The following SPATA31C1 variants were observed in gnomAD, a reference collection of about 807,000 sequenced individuals.
The protein encoded by SPATA31C1 is SPATA31 subfamily C member 1, also known as spermatogenesis-associated protein 31C1.
At chr9:87,916,251 C>CAAAA (rs756907084) in intron 1 of SPATA31C1, among the ~76,000 whole-genome samples, 2 of 78,008 alleles carry the variant, frequency 2.6e-5, no homozygotes, top group African/African-American at 4.1e-5. Flanking sequence ...GACTCCATCT[C>CAAAA]AAAAAAAAAA....
In SPATA31C1 at chr9:87,920,908, A is replaced by T. The variant is rs754988524; in HGVS notation, n.1298A>T. On this transcript the variant is annotated non_coding_transcript_exon_variant, in exon 5 of 5. Transcript: ENST00000420021. Reference sequence around the variant, plus strand: ...CTTTTCCAGGCCCAGCCCCTGTCCCATCTGGGGCCTGAGTCCCAACCCTTT... The same window carrying T: ...CTTTTCCAGGCCCAGCCCCTGTCCCTTCTGGGGCCTGAGTCCCAACCCTTT... 9 of 1,613,064 alleles carry T rather than the reference A, an allele frequency of 5.6e-6. No individual in the cohort carries two copies. The East Asian group carries it at 1.8e-4, about 32-fold the overall frequency.
exon 5 of SPATA31C1, chr9:87,921,749 C>G: frequency 1.2e-6 from 2 of 1,612,054 alleles, no homozygotes; most frequent in Non-Finnish European, 8.5e-7. Flanking sequence ...AGGCTTTTCC[C>G]GTATCCAACA....
chr9:87,920,191 C>A lies in SPATA31C1; in HGVS notation n.642-61C>A, dbSNP rs1828813823. On this transcript the variant is annotated intron_variant and non_coding_transcript_variant, in intron 4 of 4. Coordinates refer to ENST00000420021, the Ensembl canonical transcript of SPATA31C1. ...GTGGAGGGGCTGTGGCCCAAGCGCC[C>A]ACTCTGCCCTCCGAACCCATCTGGC... The A allele has an allele frequency of 3.7e-6, 6 of 1,606,024 alleles. No homozygotes were observed. In the Admixed American group the frequency reaches 1.0e-4, roughly 27 times the overall value.
rs751473988 is a variant in SPATA31C1, at chr9:87,922,759, G to A, written n.3149G>A. The A allele has an allele frequency of 1.6e-5, 26 of 1,606,516 alleles. No individual in the cohort carries two copies. In the South Asian group the frequency reaches 2.6e-4, roughly 16 times the overall value. On this transcript the variant is annotated non_coding_transcript_exon_variant, in exon 5 of 5. Coordinates refer to ENST00000420021, the Ensembl canonical transcript of SPATA31C1. The stretch of plus-strand genomic sequence containing the variant: ...CCAAACTGTCAAGGCTCATGCAAGA[G>A]CCAAAGCCCAATGTTTCCCCCTACT...
At chr9:87,923,055 T>C (rs560862305) in exon 5 of SPATA31C1, 10 of 1,599,636 alleles carry the variant, frequency 6.3e-6, no homozygotes, top group Admixed American at 1.7e-5. Flanking sequence ...AAACAGATCA[T>C]GCGTGTACGG....
At chr9:87,920,573 C>T (rs638565) in exon 5 of SPATA31C1, 52 of 1,613,574 alleles carry the variant, frequency 3.2e-5, no homozygotes, top group Non-Finnish European at 4.0e-5. Flanking sequence ...CACCACACAC[C>T]CCTGATCCTC....
At chr9:87,922,480 T>C in exon 5 of SPATA31C1, 4 of 1,610,508 alleles carry the variant, frequency 2.5e-6, no homozygotes, top group Non-Finnish European at 3.4e-6. Context: ...CTGTGTCTCA[T>C]GGAGGAGGCT....
At chr9:87,920,252 C>T (rs771832366) in exon 5 of SPATA31C1, 2 of 1,613,086 alleles carry the variant, frequency 1.2e-6, no homozygotes, top group African/African-American at 1.3e-5. Context: ...TCTCCTGCAG[C>T]CTCCTGGGGC....
chr9:87,921,264 C>T, exon 5 of SPATA31C1: 1 of 1,611,992 alleles, frequency 6.2e-7, no homozygotes, highest in Non-Finnish European at 8.5e-7. Flanking sequence ...TCCAGTCAGT[C>T]CTGAACTCTG....
intron 2 of SPATA31C1, chr9:87,918,907 G>A: frequency 2.8e-6 from 1 of 354,638 alleles, no homozygotes; most frequent in South Asian, 2.1e-5. Flanking sequence ...GAGTAGCTGG[G>A]GATTACAGGC....
intron 1 of SPATA31C1, among the ~76,000 whole-genome samples, chr9:87,917,068 A>G (rs550695544): frequency 7.5e-6 from 1 of 133,210 alleles, no homozygotes; most frequent in South Asian, 2.9e-4. Flanking sequence ...GTACATAAAT[A>G]GAATTTTAAA....
chr9:87,916,044 T>G (rs1253101543), intron 1 of SPATA31C1, among the ~76,000 whole-genome samples: 1 of 143,290 alleles, frequency 7.0e-6, no homozygotes, highest in Admixed American at 7.0e-5. Context: ...TCCCTCTGAA[T>G]AGAAATTTTA....
intron 2 of SPATA31C1, chr9:87,918,918 G>A (rs1336432551): frequency 4.2e-5 from 15 of 354,728 alleles, no homozygotes; most frequent in African/African-American, 1.3e-4. Context: ...GATTACAGGC[G>A]CCCGCCACCA....
At chr9:87,923,216 A>G (rs1261905360) in exon 5 of SPATA31C1, 1 of 1,603,282 alleles carries the variant, frequency 6.2e-7, no homozygotes, top group Non-Finnish European at 8.5e-7. Flanking sequence ...GCAACCACAG[A>G]CACCCGTTCT....
At chr9:87,919,831 T>A (rs1236757206) in intron 3 of SPATA31C1, 85 bp from the exon 3 acceptor site, 1 of 1,582,636 alleles carries the variant, frequency 6.3e-7, no homozygotes, top group Admixed American at 1.7e-5. Flanking sequence ...TAATTCCCCA[T>A]GGTCTTCCCT....
exon 5 of SPATA31C1, chr9:87,921,676 T>A: frequency 1.2e-6 from 2 of 1,612,012 alleles, no homozygotes; most frequent in Non-Finnish European, 1.7e-6. Context: ...GGCAGAAAGT[T>A]GGGCCAGACC....
Position 87,922,586 on chromosome 9 carries a change from T to C in SPATA31C1, n.2976T>C, listed in dbSNP as rs779019817. 128 of 1,609,442 alleles carry C rather than the reference T, an allele frequency of 8.0e-5. No homozygotes were observed. In the African/African-American group the frequency reaches 1.6e-3, roughly 20 times the overall value. On this transcript the variant is annotated non_coding_transcript_exon_variant, in exon 5 of 5. Coordinates refer to ENST00000420021, the Ensembl canonical transcript of SPATA31C1. ...TCCTTCCAGATGGGCAAGCATCTGT[T>C]GTGCCCCATGCTTCAGAGAATTTGG... is the stretch of plus-strand genomic sequence containing the variant.
chr9:87,923,120 G>T (rs1174034001), exon 5 of SPATA31C1: 5 of 1,603,482 alleles, frequency 3.1e-6, no homozygotes, highest in Non-Finnish European at 3.4e-6. Flanking sequence ...TACCGGAGGA[G>T]AACATGTCAC....
At chr9:87,920,370 G>A (rs1346601267) in exon 5 of SPATA31C1, 2 of 1,613,958 alleles carry the variant, frequency 1.2e-6, no homozygotes, top group African/African-American at 2.7e-5. Context: ...TGAGCCTATG[G>A]AAGATGCTGC....
Sources: gnomAD v4.1 joint callset for allele counts (sites outside exome capture counted in the v4.1 genomes callset) on GRCh38, gnomAD v4.1.1 for gene constraint, MANE v1.5 for transcripts, NCBI Gene and HGNC (gene_info 2026-07-23, HGNC 2026-07-21) for gene names.